SRGAP2B: variants seen among roughly 807,000 people sequenced by gnomAD.
SRGAP2B encodes SLIT-ROBO Rho GTPase activating protein 2B.
In SRGAP2B, 9 loss-of-function variants were observed where a neutral mutation model predicts 22.2. That is an observed-to-expected ratio of 0.41 (90% CI 0.24 to 0.71). The LOEUF (loss-of-function observed/expected upper bound fraction) is 0.71. Ranked by LOEUF, SRGAP2B falls within the 30% of genes least tolerant of loss-of-function variation. The pLI is 0.35. For synonymous variants in SRGAP2B, 36 were observed against 87.4 expected (o/e 0.41, Z 3.28); for missense variants, 114 against 235.8 (o/e 0.48, Z 3.38).
chr1:144,975,232 C>G (rs1668808552), intron 3 of SRGAP2B, among the ~76,000 whole-genome samples: 1 of 147,966 alleles, frequency 6.8e-6, no homozygotes, highest in Non-Finnish European at 1.5e-5. Flanking sequence ...ACATTAAATA[C>G]AAACAAATAA....
chr1:145,066,750 C>A (rs1441799228), intron 2 of SRGAP2B, among the ~76,000 whole-genome samples: 3 of 151,148 alleles, frequency 2.0e-5, no homozygotes, highest in Non-Finnish European at 4.4e-5. Context: ...AGGGCAGATA[C>A]CATTCTGAAG....
intron 2 of SRGAP2B, among the ~76,000 whole-genome samples, chr1:145,080,804 C>T (rs1652855255): frequency 6.7e-6 from 1 of 149,592 alleles, no homozygotes; most frequent in Admixed American, 6.6e-5. Context: ...ATCCGCCTGC[C>T]TCGGCCTCCC....
intron 7 of SRGAP2B, among the ~76,000 whole-genome samples, chr1:144,903,500 C>T: frequency 1.1e-5 from 1 of 88,462 alleles, no homozygotes; most frequent in Non-Finnish European, 2.2e-5. Context: ...CCCCAAGCAA[C>T]TCTTACGTGA....
At chr1:145,013,333 C>T (rs1553622559) in intron 2 of SRGAP2B, among the ~76,000 whole-genome samples, 1 of 146,236 alleles carries the variant, frequency 6.8e-6, no homozygotes, top group African/African-American at 2.7e-5. Context: ...GCCTCCCCTG[C>T]CTCCAGGCAG....
intron 4 of SRGAP2B, among the ~76,000 whole-genome samples, chr1:144,934,520 C>A (rs1463460502): frequency 6.8e-6 from 1 of 147,056 alleles, no homozygotes; most frequent in Non-Finnish European, 1.5e-5. Context: ...AAATCTATAG[C>A]ACAAAATGTA....
At chr1:145,044,674 A>AAAAAAAAAAAAAAAAAC (rs1649558986) in intron 2 of SRGAP2B, among the ~76,000 whole-genome samples, 1 of 108,226 alleles carries the variant, frequency 9.2e-6, no homozygotes. Flanking sequence ...AAAAAAAAAA[A>AAAAAAAAAAAAAAAAAC]AAAAAAAAAA....
chr1:145,061,578 T>A (rs1193369098), intron 2 of SRGAP2B, among the ~76,000 whole-genome samples: 1 of 149,698 alleles, frequency 6.7e-6, no homozygotes, highest in Non-Finnish European at 1.5e-5. Context: ...TGTGAATATG[T>A]GTACATTCAC....
exon 4 of SRGAP2B, chr1:144,955,525 G>T: frequency 2.9e-6 from 3 of 1,018,764 alleles, no homozygotes; most frequent in Non-Finnish European, 4.5e-6. Flanking sequence ...AGGGTGGTAT[G>T]GTCCCTGCTT....
At chr1:145,013,849 C>T (rs4844472) in intron 2 of SRGAP2B, among the ~76,000 whole-genome samples, 1 of 150,770 alleles carries the variant, frequency 6.6e-6, no homozygotes, top group African/African-American at 2.5e-5. Context: ...GTATGCACAA[C>T]GATTAGGGGT....
intron 2 of SRGAP2B, among the ~76,000 whole-genome samples, chr1:145,029,582 CTT>C (rs1268082804): frequency 1.4e-5 from 2 of 145,900 alleles, no homozygotes; most frequent in African/African-American, 2.6e-5. Context: ...AGGATGCACT[CTT>C]GTTTCATGCC....
At chr1:144,995,826 G>A (rs4844782) in intron 2 of SRGAP2B, among the ~76,000 whole-genome samples, 14 of 150,844 alleles carry the variant, frequency 9.3e-5, no homozygotes, top group African/African-American at 3.5e-4. Flanking sequence ...AACAAAAGAA[G>A]CACAAGAACT....
At chr1:145,020,499 C>A (rs1553623874) in intron 2 of SRGAP2B, among the ~76,000 whole-genome samples, 1 of 144,344 alleles carries the variant, frequency 6.9e-6, no homozygotes, top group African/African-American at 2.7e-5. Flanking sequence ...ACTCCCCTCA[C>A]AACTACCCAG....
chr1:144,990,831 T>G (rs1553616930), intron 3 of SRGAP2B, among the ~76,000 whole-genome samples: 2 of 151,372 alleles, frequency 1.3e-5, no homozygotes, highest in African/African-American at 4.9e-5. Flanking sequence ...CCCCCAGCAG[T>G]GCCGGCCCAT....
intron 2 of SRGAP2B, among the ~76,000 whole-genome samples, chr1:145,082,635 T>TAGGGCAGTGACTCTAAAG (rs1653034568): frequency 9.8e-6 from 1 of 102,274 alleles, no homozygotes; most frequent in Non-Finnish European, 1.9e-5. Flanking sequence ...AGTATAGCTC[T>TAGGGCAGTGACTCTAAAG]AGGGCAGTGA....
At chr1:145,066,521 AT>A in intron 2 of SRGAP2B, among the ~76,000 whole-genome samples, 1 of 148,718 alleles carries the variant, frequency 6.7e-6, no homozygotes. Flanking sequence ...TCTTGAGAAG[AT>A]TCTGTTTTAT....
intron 2 of SRGAP2B, among the ~76,000 whole-genome samples, chr1:145,044,686 A>C (rs1649563425): frequency 5.1e-4 from 70 of 137,038 alleles, no homozygotes; most frequent in African/African-American, 1.6e-3. Flanking sequence ...AAAAAAAAAA[A>C]AAAAAAAAAA....
At chr1:144,967,638 A>C (rs1311453880) in intron 3 of SRGAP2B, among the ~76,000 whole-genome samples, 1 of 116,736 alleles carries the variant, frequency 8.6e-6, no homozygotes, top group Non-Finnish European at 1.7e-5. Flanking sequence ...AAATAACTAA[A>C]ATCAGAGCAG....
At chr1:144,985,616 A>T (rs1669654437) in intron 3 of SRGAP2B, among the ~76,000 whole-genome samples, 1 of 150,864 alleles carries the variant, frequency 6.6e-6, no homozygotes. Flanking sequence ...GCATAGGAAT[A>T]CATTTATGCT....
At chr1:144,965,926 G>A (rs1312087766) in intron 3 of SRGAP2B, among the ~76,000 whole-genome samples, 4 of 149,640 alleles carry the variant, frequency 2.7e-5, no homozygotes, top group African/African-American at 5.0e-5. Context: ...GAAGCGAGAA[G>A]GGAAGTTTAG....
Sources: gnomAD v4.1 joint callset for allele counts (sites outside exome capture counted in the v4.1 genomes callset) on GRCh38, gnomAD v4.1.1 for gene constraint, MANE v1.5 for transcripts, NCBI Gene and HGNC (gene_info 2026-07-23, HGNC 2026-07-21) for gene names.